The following PPP1R14C variants were observed in gnomAD, a reference collection of about 807,000 sequenced individuals.
PPP1R14C encodes protein phosphatase 1 regulatory subunit 14C.
Under a neutral mutation model 20.4 loss-of-function variants are expected in PPP1R14C, and 16 were observed. That is an observed-to-expected ratio of 0.78 (90% CI 0.53 to 1.19). The LOEUF (loss-of-function observed/expected upper bound fraction) is 1.19, where lower values mean the gene tolerates loss of function less well. Among genes scored for constraint, PPP1R14C ranks in the 50% most tolerant of loss-of-function variants. The pLI is 0.00. For synonymous variants in PPP1R14C, 91 were observed against 91.0 expected, an observed-to-expected ratio of 1.00 and a Z score of 0.00; for missense variants, 211 against 220.1, an observed-to-expected ratio of 0.96 and a Z score of 0.26.
intron 1 of PPP1R14C, among the ~76,000 whole-genome samples, chr6:150,161,295 A>AAAAAG (rs1178629589): frequency 6.6e-6 from 1 of 152,124 alleles, no homozygotes; most frequent in African/African-American, 2.4e-5. Context: ...AAGACGAAGA[A>AAAAAG]AAAAGAAAAG....
At chr6:150,233,427 C>T (rs780513781) in intron 3 of PPP1R14C, among the ~76,000 whole-genome samples, 21 of 152,126 alleles carry the variant, frequency 1.4e-4, no homozygotes, top group Non-Finnish European at 2.8e-4. Flanking sequence ...AAAACATTTC[C>T]AAACTTCTAA....
chr6:150,248,676 C>A, intron 3 of PPP1R14C, 70 bp from the exon 4 acceptor site: 1 of 1,083,504 alleles, frequency 9.2e-7, no homozygotes, highest in Non-Finnish European at 1.4e-6. Flanking sequence ...ACATCAATTA[C>A]TTTAAGCAGA....
intron 1 of PPP1R14C, among the ~76,000 whole-genome samples, chr6:150,204,407 T>C (rs1461462200): frequency 6.6e-6 from 1 of 152,214 alleles, no homozygotes; most frequent in Non-Finnish European, 1.5e-5. Flanking sequence ...CTTTGAATGC[T>C]GTGGTTTTGA....
chr6:150,192,608 T>C (rs926624877), intron 1 of PPP1R14C, among the ~76,000 whole-genome samples: 7 of 152,194 alleles, frequency 4.6e-5, no homozygotes, highest in African/African-American at 1.7e-4. Context: ...ACCTATCTGC[T>C]CCAGGTATCT....
chr6:150,152,767 A>C (rs1777264218), intron 1 of PPP1R14C, among the ~76,000 whole-genome samples: 1 of 152,132 alleles, frequency 6.6e-6, no homozygotes, highest in African/African-American at 2.4e-5. Context: ...TGAAGGCAGA[A>C]TCTTGTACCT....
chr6:150,207,755 G>A (rs546041401), intron 1 of PPP1R14C, among the ~76,000 whole-genome samples: 1 of 152,286 alleles, frequency 6.6e-6, no homozygotes, highest in Admixed American at 6.5e-5. Context: ...ACTACAGACT[G>A]GGTAATGTAT....
chr6:150,192,892 G>A (rs974863208), intron 1 of PPP1R14C, among the ~76,000 whole-genome samples: 8 of 152,082 alleles, frequency 5.3e-5, no homozygotes, highest in African/African-American at 1.9e-4. Context: ...TCATCTTTTG[G>A]GACTGGTACT....
intron 1 of PPP1R14C, among the ~76,000 whole-genome samples, chr6:150,184,865 A>G (rs893772646): frequency 1.3e-5 from 2 of 152,252 alleles, no homozygotes; most frequent in African/African-American, 4.8e-5. Flanking sequence ...TGAACAAACC[A>G]AAGCTGGACA....
At chr6:150,176,980 C>T (rs1465368769) in intron 1 of PPP1R14C, among the ~76,000 whole-genome samples, 1 of 152,218 alleles carries the variant, frequency 6.6e-6, no homozygotes, top group Non-Finnish European at 1.5e-5. Context: ...TGTGTCTCTC[C>T]CTACCTTCTG....
chr6:150,164,625 G>A (rs1039298417), intron 1 of PPP1R14C: 5 of 192,446 alleles, frequency 2.6e-5, no homozygotes, highest in Non-Finnish European at 5.7e-5. Context: ...GTGTTCACAT[G>A]CATGTGTGAA....
intron 1 of PPP1R14C, among the ~76,000 whole-genome samples, chr6:150,171,700 CAA>C (rs2114869844): frequency 6.6e-6 from 1 of 152,310 alleles, no homozygotes; most frequent in Admixed American, 6.5e-5. Flanking sequence ...TAATTTAGCA[CAA>C]GACATATTTT....
chr6:150,187,259 G>A (rs1337717350), intron 1 of PPP1R14C, among the ~76,000 whole-genome samples: 3 of 147,702 alleles, frequency 2.0e-5, no homozygotes, highest in Non-Finnish European at 4.5e-5. Context: ...GTGTGTGTGT[G>A]TGTGTGTGTG....
chr6:150,181,743 T>C (rs1033203150), intron 1 of PPP1R14C, among the ~76,000 whole-genome samples: 2 of 152,220 alleles, frequency 1.3e-5, no homozygotes, highest in Non-Finnish European at 2.9e-5. Context: ...TTGCTTTGAG[T>C]GTGTGTGAGC....
chr6:150,214,947 C>T (rs560426380), intron 2 of PPP1R14C, 120 bp downstream of exon 2: 1 of 682,054 alleles, frequency 1.5e-6, no homozygotes, highest in South Asian at 2.0e-5. Flanking sequence ...AGGACCTGGG[C>T]CATTTGCAGA....
intron 1 of PPP1R14C, among the ~76,000 whole-genome samples, chr6:150,177,073 G>A (rs1196059215): frequency 2.0e-5 from 3 of 152,182 alleles, no homozygotes; most frequent in Non-Finnish European, 4.4e-5. Context: ...GCCTGGCCCT[G>A]GTTCCTGAGA....
At chr6:150,235,279 G>A (rs1310948019) in intron 3 of PPP1R14C, among the ~76,000 whole-genome samples, 1 of 152,102 alleles carries the variant, frequency 6.6e-6, no homozygotes, top group Non-Finnish European at 1.5e-5. Context: ...TTGTAGAGAT[G>A]GGATCTCGCT....
At chr6:150,199,623 C>T (rs1777851694) in intron 1 of PPP1R14C, among the ~76,000 whole-genome samples, 2 of 152,194 alleles carry the variant, frequency 1.3e-5, no homozygotes, top group Admixed American at 1.3e-4. Context: ...GTAATCCCAG[C>T]TCTTTGGAGG....
At chr6:150,158,214 T>A (rs1777326346) in intron 1 of PPP1R14C, among the ~76,000 whole-genome samples, 1 of 152,234 alleles carries the variant, frequency 6.6e-6, no homozygotes, top group Admixed American at 6.5e-5. Context: ...CAACATCTAC[T>A]ATGCTTTTGC....
chr6:150,155,318 G>A (rs1777293899), intron 1 of PPP1R14C, among the ~76,000 whole-genome samples: 1 of 152,180 alleles, frequency 6.6e-6, no homozygotes, highest in Non-Finnish European at 1.5e-5. Flanking sequence ...GGCAGGAAGT[G>A]AAAAGCAGAA....
Sources: allele counts gnomAD v4.1 joint callset (sites outside exome capture counted in the v4.1 genomes callset), GRCh38; gene constraint gnomAD v4.1.1; transcripts MANE v1.5; gene names NCBI Gene and HGNC (gene_info 2026-07-23, HGNC 2026-07-21).